The following BRI3 variants were observed in gnomAD, a reference collection of about 807,000 sequenced individuals.
BRI3 encodes brain protein I3, also known as membrane protein BRI3.
A neutral mutation model predicts 12.8 loss-of-function variants in BRI3; 6 were observed. The ratio of observed to expected loss-of-function variants is 0.47; its 90% CI spans 0.26 to 0.93. The LOEUF is 0.93. Among genes scored for constraint, BRI3 ranks in the 40% least tolerant of loss-of-function variants. BRI3 has a pLI of 0.15. For missense variants in BRI3, 134 were observed against 171.1 expected, an observed-to-expected ratio of 0.78 and a Z score of 1.21; for synonymous variants, 91 against 76.1, an observed-to-expected ratio of 1.20 and a Z score of -1.02.
downstream of BRI3, among the ~76,000 whole-genome samples, chr7:98,296,439 A>G (rs1562962444): frequency 1.3e-5 from 2 of 152,200 alleles, no homozygotes; most frequent in Non-Finnish European, 2.9e-5. Context: ...CAGCCTGACC[A>G]ACATGGAGAA....
upstream of BRI3, among the ~76,000 whole-genome samples, chr7:98,306,102 T>TGTAAGATAAGAACG (rs1800646347): frequency 6.6e-6 from 1 of 152,114 alleles, no homozygotes; most frequent in Admixed American, 6.6e-5. Flanking sequence ...CGTTAAGGGC[T>TGTAAGATAAGAACG]GTAAGATAAG....
the BRI3 span, among the ~76,000 whole-genome samples, chr7:98,321,002 G>A: frequency 1.3e-5 from 2 of 152,066 alleles, no homozygotes; most frequent in African/African-American, 4.8e-5. Context: ...GACTACAGGC[G>A]TGCACCACCA....
chr7:98,312,376 G>A (rs571174702), downstream of BRI3: 162 of 1,215,174 alleles, frequency 1.3e-4, 2 homozygotes, highest in South Asian at 1.5e-3. Flanking sequence ...CACCAGGAGT[G>A]TGGGGGCCCT....
In BRI3 at chr7:98,282,402, C is replaced by T. The variant is rs1218766503; in HGVS notation, c.194C>T (p.Thr65Ile). 4.3e-6 allele frequency: 7 copies of T among 1,614,022 alleles called. No homozygotes were observed. The highest frequency in any genetic ancestry group is 2.2e-5 in the South Asian group (2 of 91,088). ...RVYNIHSRTV[T>I]RYPANSIVVV... ...TACAACATCCACAGCCGGACCGTCA[C>T]CCGCTATCCTGCCAACTCTATCGTG... The change falls in exon 2 of 3, where the codon ACC (threonine) becomes ATC (isoleucine). Residue 65 changes from threonine to isoleucine, a missense_variant. Thr to Ile is a moderately conservative substitution (Grantham distance 89). Coordinates refer to ENST00000297290, the MANE Select transcript of BRI3 (RefSeq NM_015379.5).
chr7:98,297,289 C>T (rs1401156194), downstream of BRI3, among the ~76,000 whole-genome samples: 13 of 152,238 alleles, frequency 8.5e-5, no homozygotes, highest in Non-Finnish European at 1.8e-4. Context: ...CCCGACTGTA[C>T]GGAGCTTCCA....
chr7:98,284,572 A>G (rs1329889436), intron 2 of BRI3, among the ~76,000 whole-genome samples: 1 of 152,178 alleles, frequency 6.6e-6, no homozygotes, highest in Non-Finnish European at 1.5e-5. Context: ...TACCACTCAC[A>G]TGACCACACT....
At chr7:98,288,359 G>A (rs1799781852) in intron 2 of BRI3, among the ~76,000 whole-genome samples, 1 of 152,104 alleles carries the variant, frequency 6.6e-6, no homozygotes, top group Non-Finnish European at 1.5e-5. Flanking sequence ...CTGGAGCCAG[G>A]CAGGGCGTGC....
downstream of BRI3, among the ~76,000 whole-genome samples, chr7:98,294,915 G>A (rs927003864): frequency 3.3e-5 from 5 of 152,062 alleles, no homozygotes; most frequent in African/African-American, 7.2e-5. Flanking sequence ...GTGTGTGCGC[G>A]CCTTCTTTCC....
chr7:98,298,494 T>C (rs1027838399), intron 1 of BRI3, among the ~76,000 whole-genome samples: 1 of 151,902 alleles, frequency 6.6e-6, no homozygotes, highest in African/African-American at 2.4e-5. Context: ...GCGCCTGTAG[T>C]CCCAGCTACT....
chr7:98,303,308 G>T (rs1800502274), upstream of BRI3, among the ~76,000 whole-genome samples: 1 of 152,104 alleles, frequency 6.6e-6, no homozygotes, highest in Non-Finnish European at 1.5e-5. Flanking sequence ...AAGGTATAGG[G>T]GCCTGGCTCC....
the BRI3 span, among the ~76,000 whole-genome samples, chr7:98,318,515 T>C: frequency 6.6e-6 from 1 of 151,664 alleles, no homozygotes; most frequent in Non-Finnish European, 1.5e-5. Flanking sequence ...CTCCTGACCT[T>C]GGATCCACCC....
downstream of BRI3, chr7:98,293,200 A>G (rs944055610): frequency 1.0e-5 from 3 of 300,420 alleles, no homozygotes; most frequent in African/African-American, 2.1e-5. Context: ...ACTATCCCTT[A>G]TTCTGGCTGT....
the BRI3 span, chr7:98,317,398 A>G: frequency 4.4e-6 from 7 of 1,606,800 alleles, no homozygotes; most frequent in Non-Finnish European, 5.9e-6. Context: ...GTGGCACCAC[A>G]CGAATTGTCA....
chr7:98,310,673 T>A, downstream of BRI3: 1 of 1,080,382 alleles, frequency 9.3e-7, no homozygotes, highest in East Asian at 3.0e-5. Context: ...GTTTTTTTTT[T>A]TTAAATAATA....
downstream of BRI3, among the ~76,000 whole-genome samples, chr7:98,295,120 T>G (rs1800132527): frequency 3.9e-5 from 6 of 152,148 alleles, no homozygotes; most frequent in Admixed American, 3.9e-4. Flanking sequence ...CTCTCAAGAT[T>G]GACTTAGGGG....
At chr7:98,294,228 C>T (rs753902717), downstream of BRI3, 14 of 1,035,922 alleles carry the variant, frequency 1.4e-5, no homozygotes, top group African/African-American at 3.2e-5. Context: ...CCTGAGCTCA[C>T]GTGATCCTTC....
chr7:98,312,115 C>T (rs772700318), downstream of BRI3: 20 of 1,604,706 alleles, frequency 1.2e-5, no homozygotes, highest in Non-Finnish European at 1.3e-5. Flanking sequence ...TTCTCTCGAT[C>T]ATGGGTGAAG....
At chr7:98,295,410 G>GCCCA (rs1800150279), downstream of BRI3, among the ~76,000 whole-genome samples, 1 of 152,210 alleles carries the variant, frequency 6.6e-6, no homozygotes, top group African/African-American at 2.4e-5. Context: ...TTAAATGGCC[G>GCCCA]CAAAAGTGAC....
chr7:98,305,532 G>A (rs192275541), upstream of BRI3, among the ~76,000 whole-genome samples: 63 of 152,198 alleles, frequency 4.1e-4, no homozygotes, highest in South Asian at 1.0e-3. Context: ...CGATCCTCCC[G>A]CCTCAGCCTC....
Sources: allele counts gnomAD v4.1 joint callset (sites outside exome capture counted in the v4.1 genomes callset), GRCh38; gene constraint gnomAD v4.1.1; transcripts MANE v1.5; gene names NCBI Gene and HGNC (gene_info 2026-07-23, HGNC 2026-07-21).